The following GDI2 variants were observed in gnomAD, a reference collection of about 807,000 sequenced individuals.
GDI2 encodes GDP dissociation inhibitor 2, also known as rab GDP dissociation inhibitor beta.
A neutral mutation model predicts 54.2 loss-of-function variants in GDI2; 22 were observed. The ratio of observed to expected loss-of-function variants is 0.41; its 90% CI spans 0.29 to 0.58. GDI2 has a LOEUF of 0.58. GDI2 is among the 20% of genes least tolerant of loss of function. The probability of loss-of-function intolerance (pLI) is 0.35; values close to 1 mark genes in which losing one functional copy is unlikely to be tolerated. For synonymous variants in GDI2, 177 were observed against 182.1 expected (o/e 0.97, Z 0.23); for missense variants, 422 against 546.0 (o/e 0.77, Z 2.26).
chr10:5,784,541 C>T (rs952231042), intron 6 of GDI2, among the ~76,000 whole-genome samples: 10 of 152,184 alleles, frequency 6.6e-5, no homozygotes, highest in African/African-American at 2.4e-4. Flanking sequence ...AGTTCCTTCT[C>T]ATCTGGATAG....
rs1391604890 is a variant in GDI2, at chr10:5,771,058, TATA to T, written c.820-2677_820-2675del. ...GGGAAAAAGACTAATATTCAGTGTC[TATA>T]ATGTTTTAAACAGTATATTAATGTA... is the stretch of plus-strand genomic sequence containing the variant. On this transcript the variant is annotated intron_variant, in intron 7 of 10. Transcript: ENST00000380191. Among the ~76,000 whole-genome samples the T allele has an allele frequency of 3.4e-4, 52 of 151,454 alleles. 1 individual carries two copies. Among genetic ancestry groups the T allele is most frequent in the South Asian group, 2.1e-4 (1 of 4,794 alleles).
At position 5,766,738 on chromosome 10, in the gene GDI2, A is replaced by T; in HGVS notation, c.992-100T>A. On this transcript the variant is annotated intron_variant, in intron 8 of 10. Transcript: ENST00000380191. This position sits in a 1 kb window ranked among gnomAD's most constrained non-coding sequence, Gnocchi z 5.8. Reference sequence around the variant, plus strand: ...ATGTCATGAGGTGTGAGTTAAAATTACTCTCAATAGGCAAGATCTTCTACA... The same window carrying T: ...ATGTCATGAGGTGTGAGTTAAAATTTCTCTCAATAGGCAAGATCTTCTACA... 7 of 874,930 alleles carry T rather than the reference A, an allele frequency of 8.0e-6. No individual in the cohort carries two copies. The highest frequency in any genetic ancestry group is 1.8e-6 in the Non-Finnish European group (1 of 542,392). The allele number at this position is 874,930 out of a possible 1,614,324, so 54.2% of individuals were successfully genotyped here. A position where few individuals can be genotyped will look rare whatever the true frequency, so the allele number is the denominator to read the frequency against.
chr10:5,778,727 T>C (rs770437106), intron 6 of GDI2, among the ~76,000 whole-genome samples: 3 of 152,202 alleles, frequency 2.0e-5, no homozygotes, highest in Non-Finnish European at 4.4e-5. Context: ...GTGGAAGTAA[T>C]GCTAGTTGGC....
chr10:5,788,779 T>TA (rs398114014), intron 4 of GDI2, among the ~76,000 whole-genome samples: 3 of 151,566 alleles, frequency 2.0e-5, no homozygotes, highest in Non-Finnish European at 4.4e-5. Flanking sequence ...TTTTTTTTTT[T>TA]AAAAGGAGTC....
At chr10:5,793,280 C>CCATCA (rs1193280178) in intron 4 of GDI2, among the ~76,000 whole-genome samples, 2 of 152,176 alleles carry the variant, frequency 1.3e-5, no homozygotes, top group African/African-American at 4.8e-5. Flanking sequence ...CAAGCGTGAG[C>CCATCA]CACCACACCA....
At chr10:5,799,625 C>T (rs1194482212) in intron 2 of GDI2, among the ~76,000 whole-genome samples, 1 of 152,206 alleles carries the variant, frequency 6.6e-6, no homozygotes, top group African/African-American at 2.4e-5. Flanking sequence ...GCACTCCAGC[C>T]TGGGCGGCAG....
chr10:5,813,172 GC>G, intron 1 of GDI2, 41 bp downstream of exon 1: 1 of 1,346,042 alleles, frequency 7.4e-7, no homozygotes, highest in Non-Finnish European at 1.0e-6. Flanking sequence ...GGGTGCGCCC[GC>G]CCCGGCTGCT....
At position 5,766,463 on chromosome 10, in the gene GDI2, A is replaced by G. The variant is rs1221248421; in HGVS notation, c.1136+31T>C. The G allele has an allele frequency of 1.1e-5, 17 of 1,611,562 alleles. No homozygotes were observed. Among genetic ancestry groups the G allele is most frequent in the Non-Finnish European group, 1.4e-5 (17 of 1,178,914 alleles). ...GCCACAATCAAAGGCCTCAGTTTGC[A>G]TCTCGGCAGATATAAAAGAACACAA... On this transcript the variant is annotated intron_variant, in intron 9 of 10. Coordinates refer to ENST00000380191, the MANE Select transcript of GDI2 (RefSeq NM_001494.4). This position sits in a 1 kb window ranked among gnomAD's most constrained non-coding sequence, Gnocchi z 5.8.
chr10:5,786,580 C>T (rs1173124020), intron 4 of GDI2, among the ~76,000 whole-genome samples: 4 of 146,306 alleles, frequency 2.7e-5, no homozygotes, highest in African/African-American at 7.4e-5. Flanking sequence ...TTCTACCATA[C>T]AATTACAAGT....
In GDI2 at chr10:5,774,491, G is replaced by A. The variant is rs1190973175; in HGVS notation, c.720-550C>T. 2.6e-5 allele frequency among the ~76,000 whole-genome samples: 4 copies of A among 152,176 alleles called. No individual in the cohort carries two copies. The highest frequency in any genetic ancestry group is 3.4e-3 in the Middle Eastern group (1 of 294). On this transcript the variant is annotated intron_variant, in intron 6 of 10. Coordinates refer to ENST00000380191, the MANE Select transcript of GDI2 (RefSeq NM_001494.4). The surrounding 1 kb of genome is among the most constrained non-coding windows in gnomAD (Gnocchi z 4.8). The stretch of plus-strand genomic sequence containing the variant: ...CACCTCATTTTCTTTGGCTGGAGGC[G>A]TTCAACCCCCATACACGGTTTTCTT...
rs761043271 is a variant in GDI2 at position 5,808,532 on chromosome 10, C to G, written c.45+4682G>C. Among the ~76,000 whole-genome samples, 113 of 151,660 alleles carry G rather than the reference C, an allele frequency of 7.5e-4. 3 individuals carry two copies. Among genetic ancestry groups the G allele is most frequent in the African/African-American group, 2.7e-3 (113 of 41,320 alleles). On this transcript the variant is annotated intron_variant, in intron 1 of 10. Coordinates refer to ENST00000380191, the MANE Select transcript of GDI2 (RefSeq NM_001494.4). ...CTACTAAACATACAAAAAAATTAGC[C>G]GGGCGTGGTGGTGAGCACCTGTAAT...
intron 4 of GDI2, among the ~76,000 whole-genome samples, chr10:5,788,601 T>C (rs962071853): frequency 6.6e-6 from 1 of 152,052 alleles, no homozygotes; most frequent in African/African-American, 2.4e-5. Context: ...TTTAAAAAAA[T>C]TGTGAAAAAA....
rs1840410876 is a variant in GDI2, at chr10:5,768,493, C to G, written c.820-109G>C. On this transcript the variant is annotated intron_variant, in intron 7 of 10. Coordinates refer to ENST00000380191, the MANE Select transcript of GDI2 (RefSeq NM_001494.4). The surrounding 1 kb of genome is among the most constrained non-coding windows in gnomAD (Gnocchi z 4.4). ...TATTGTTAAGATATCAAAAACCATC[C>G]TCAAGTTCATATTGGTTCCCAAGGG... is the stretch of plus-strand genomic sequence containing the variant. The G allele has an allele frequency of 1.4e-6, 1 of 698,730 alleles. No individual in the cohort carries two copies. The allele number at this position is 698,730 out of a possible 1,614,324, so 43.3% of individuals were successfully genotyped here. A position where few individuals can be genotyped will look rare whatever the true frequency, so the allele number is the denominator to read the frequency against.
Position 5,768,174 on chromosome 10 carries a change from A to G in GDI2, c.991+39T>C. On this transcript the variant is annotated intron_variant, in intron 8 of 10. Transcript: ENST00000380191. This position sits in a 1 kb window ranked among gnomAD's most constrained non-coding sequence, Gnocchi z 4.4. Reference sequence around the variant, plus strand: ...TAAAACACAAAGCAAATTATATCTTACAAAATTCTACCAACATCTGCTGGT... The same window carrying G: ...TAAAACACAAAGCAAATTATATCTTGCAAAATTCTACCAACATCTGCTGGT... 6.5e-7 allele frequency: 1 copy of G among 1,547,184 alleles called. No homozygotes were observed. The highest frequency in any genetic ancestry group is 1.1e-5 in the South Asian group (1 of 88,808).
chr10:5,768,527 C>A lies in GDI2; in HGVS notation c.820-143G>T. 1 of 609,146 alleles carries A rather than the reference C, an allele frequency of 1.6e-6. No homozygotes were observed. The highest frequency in any genetic ancestry group is 2.1e-5 in the South Asian group (1 of 47,944). 37.7% of individuals were successfully genotyped at this position (609,146 alleles called of 1,614,324 possible). A position where few individuals can be genotyped will look rare whatever the true frequency, so the allele number is the denominator to read the frequency against. On this transcript the variant is annotated intron_variant, in intron 7 of 10. Transcript: ENST00000380191. The surrounding 1 kb of genome is among the most constrained non-coding windows in gnomAD (Gnocchi z 4.4). ...ATATTGGTTCCCAAGGGATTGAATT[C>A]TGGAACAACCAAAACAATCTTAAAA... is the stretch of plus-strand genomic sequence containing the variant.
At position 5,776,279 on chromosome 10, in the gene GDI2, GAA is replaced by G. The variant is rs948008065; in HGVS notation, c.720-2340_720-2339del. 14 of 534,554 alleles carry G rather than the reference GAA, an allele frequency of 2.6e-5. No individual in the cohort carries two copies. In the African/African-American group the frequency reaches 2.7e-4, roughly 10 times the overall value. The allele number at this position is 534,554 out of a possible 1,614,324, so 33.1% of individuals were successfully genotyped here. ...AGACAGGTGGAAAAGGGCCCAGCGT[GAA>G]AAGACTGAAAGCCCAGCAGAACATA... On this transcript the variant is annotated intron_variant, in intron 6 of 10. Coordinates refer to ENST00000380191, the MANE Select transcript of GDI2 (RefSeq NM_001494.4). The surrounding 1 kb of genome is among the most constrained non-coding windows in gnomAD (Gnocchi z 5.3).
At chr10:5,795,160 C>A in intron 3 of GDI2, 141 bp from the exon 4 acceptor site, 1 of 615,424 alleles carries the variant, frequency 1.6e-6, no homozygotes, top group East Asian at 2.7e-5. Context: ...ACACAGTCTC[C>A]CTCTGTTGCC....
intron 6 of GDI2, among the ~76,000 whole-genome samples, chr10:5,778,269 T>TA (rs1337815152): frequency 3.3e-5 from 5 of 152,180 alleles, no homozygotes; most frequent in African/African-American, 4.8e-5. Flanking sequence ...CCCCAGAACT[T>TA]AAAGTATAAT....
chr10:5,804,680 T>C (rs934947028), intron 1 of GDI2, among the ~76,000 whole-genome samples: 21 of 152,232 alleles, frequency 1.4e-4, no homozygotes, highest in Non-Finnish European at 2.6e-4. Flanking sequence ...AAATCCAGCC[T>C]GAAGGCTATT....
Sources: allele counts gnomAD v4.1 joint callset (sites outside exome capture counted in the v4.1 genomes callset), GRCh38; gene constraint gnomAD v4.1.1; non-coding constraint Gnocchi (gnomAD v3.1); transcripts MANE v1.5; gene names NCBI Gene and HGNC (gene_info 2026-07-23, HGNC 2026-07-21).